ZNF329: variants seen among roughly 807,000 people sequenced by gnomAD.
ZNF329 encodes zinc finger protein 329.
A neutral mutation model predicts 26.6 loss-of-function variants in ZNF329; 15 were observed. The observed-to-expected ratio is 0.56, with a 90% confidence interval of 0.38 to 0.87. The LOEUF (loss-of-function observed/expected upper bound fraction) is 0.87, where lower values mean the gene tolerates loss of function less well. Among genes scored for constraint, ZNF329 ranks in the 40% least tolerant of loss-of-function variants. The pLI is 0.00. For missense variants in ZNF329, 651 were observed against 651.9 expected, an observed-to-expected ratio of 1.00 and a Z score of 0.02; for synonymous variants, 239 against 233.5, an observed-to-expected ratio of 1.02 and a Z score of -0.21.
Position 58,140,025 on chromosome 19 carries a change from G to A in ZNF329, c.-9+2532C>T, listed in dbSNP as rs148867708. On this transcript the variant is annotated intron_variant, in intron 3 of 3. Transcript: ENST00000598312. ...TGTCATATGATCCAGCTATTCCACTGCTACGGTTTGGATATGGTTTGTCCA... is the reference window on the plus strand; with the variant it reads ...TGTCATATGATCCAGCTATTCCACTACTACGGTTTGGATATGGTTTGTCCA... Among the ~76,000 whole-genome samples the A allele has an allele frequency of 4.2e-3, 645 of 152,296 alleles. 3 individuals carry two copies. Among genetic ancestry groups the A allele is most frequent in the African/African-American group, 0.014 (587 of 41,570 alleles).
intron 1 of ZNF329, among the ~76,000 whole-genome samples, chr19:58,147,935 G>A (rs987558578): frequency 3.9e-5 from 6 of 152,074 alleles, no homozygotes; most frequent in Non-Finnish European, 5.9e-5. Flanking sequence ...TGACAATGGC[G>A]GTTTTGTGGA....
intron 1 of ZNF329, among the ~76,000 whole-genome samples, chr19:58,148,191 C>G (rs542788502): frequency 6.6e-6 from 1 of 151,796 alleles, no homozygotes; most frequent in African/African-American, 2.4e-5. Context: ...TGCTTGAAGG[C>G]AGCATGCTCC....
upstream of ZNF329, among the ~76,000 whole-genome samples, chr19:58,152,433 A>G (rs1212633292): frequency 6.6e-6 from 1 of 151,982 alleles, no homozygotes; most frequent in Non-Finnish European, 1.5e-5. Context: ...TCAAAAAAAA[A>G]AAAAAAATCT....
rs764400921 is a variant in ZNF329, at chr19:58,127,989, A to G, written c.1515T>C (p.His505=). 2.2e-5 allele frequency: 36 copies of G among 1,613,934 alleles called. No individual in the cohort carries two copies. In the East Asian group the frequency reaches 2.9e-4, roughly 13 times the overall value. Reference sequence around the variant, plus strand: ...GACACCGGCTGGGACCCTCCCTGCTATGGAGTCTCTGATGTACTGCCAGGT... The same window carrying G: ...GACACCGGCTGGGACCCTCCCTGCTGTGGAGTCTCTGATGTACTGCCAGGT... ...NSHLAVHQRL[H]SREGPSRCPQ... Residue 505 remains histidine (H), a synonymous_variant, in exon 4 of 4, where the codon CAT becomes CAC. Coordinates refer to ENST00000598312, the MANE Select transcript of ZNF329 (RefSeq NM_024620.4).
At chr19:58,132,035 A>G (rs1255146585) in intron 3 of ZNF329, among the ~76,000 whole-genome samples, 5 of 151,942 alleles carry the variant, frequency 3.3e-5, no homozygotes, top group Admixed American at 1.3e-4. Context: ...AAAAAAAAAA[A>G]AAAGAAAGAA....
At chr19:58,137,209 G>A (rs756395117) in intron 3 of ZNF329, among the ~76,000 whole-genome samples, 3 of 152,070 alleles carry the variant, frequency 2.0e-5, no homozygotes, top group Non-Finnish European at 2.9e-5. Flanking sequence ...CAACTTATGG[G>A]AAAGAACTAT....
At chr19:58,130,691 A>AAC (rs1555806782) in intron 3 of ZNF329, among the ~76,000 whole-genome samples, 1 of 151,810 alleles carries the variant, frequency 6.6e-6, no homozygotes, top group African/African-American at 2.4e-5. Context: ...AAAAAAAAAA[A>AAC]AAACTGGATC....
chr19:58,153,857 C>T (rs181071212), upstream of ZNF329, among the ~76,000 whole-genome samples: 329 of 152,198 alleles, frequency 2.2e-3, 4 homozygotes, highest in Non-Finnish European at 1.8e-4. Flanking sequence ...TACAGGTGTA[C>T]ACCACCATGC....
chr19:58,138,011 A>G (rs1251247279), intron 3 of ZNF329, among the ~76,000 whole-genome samples: 3 of 152,112 alleles, frequency 2.0e-5, no homozygotes, highest in African/African-American at 7.2e-5. Flanking sequence ...AAAAGCAAAA[A>G]TGAACACATA....
chr19:58,131,138 T>C (rs542204235), intron 3 of ZNF329, among the ~76,000 whole-genome samples: 11 of 151,464 alleles, frequency 7.3e-5, no homozygotes, highest in African/African-American at 2.7e-4. Flanking sequence ...TGTGTGTGTG[T>C]GTGCGCGTGT....
At chr19:58,154,128 C>T (rs1217950415), upstream of ZNF329, among the ~76,000 whole-genome samples, 1 of 152,112 alleles carries the variant, frequency 6.6e-6, no homozygotes, top group Non-Finnish European at 1.5e-5. Context: ...CCTGTTTCAG[C>T]CTCCCAAGTA....
At position 58,128,447 on chromosome 19, in the gene ZNF329, G is replaced by C; in HGVS notation, c.1057C>G (p.Arg353Gly). The C allele has an allele frequency of 1.2e-6, 2 of 1,612,374 alleles. No individual in the cohort carries two copies. Among genetic ancestry groups the C allele is most frequent in the East Asian group, 4.5e-5 (2 of 44,764 alleles). Residue 353 changes from arginine (R) to glycine (G), a missense_variant, in exon 4 of 4, where the codon CGG becomes GGG. Arg to Gly is a moderately radical substitution (Grantham distance 125). Coordinates refer to ENST00000598312, the MANE Select transcript of ZNF329 (RefSeq NM_024620.4). ...TGCTGGGTGAGGTACGAGCCGTCCC[G>C]GAAAGCCTTTCCACATTTGCTACAC... The part of the protein sequence containing the change: ...YECSKCGKAF[R>G]DGSYLTQHER...
At chr19:58,153,237 G>A (rs917454822), upstream of ZNF329, among the ~76,000 whole-genome samples, 1 of 152,122 alleles carries the variant, frequency 6.6e-6, no homozygotes, top group Non-Finnish European at 1.5e-5. Flanking sequence ...AGCCTCCAGA[G>A]TAGCTGGGAT....
chr19:58,131,336 A>G (rs1375676019), intron 3 of ZNF329, among the ~76,000 whole-genome samples: 2 of 152,102 alleles, frequency 1.3e-5, no homozygotes, highest in African/African-American at 4.8e-5. Flanking sequence ...ACTTGAGCCC[A>G]CACAGAAGGC....
At chr19:58,151,033 T>C (rs1423590381), upstream of ZNF329, among the ~76,000 whole-genome samples, 1 of 152,012 alleles carries the variant, frequency 6.6e-6, no homozygotes, top group Non-Finnish European at 1.5e-5. Flanking sequence ...TATTTCTTTA[T>C]CTATAATCTT....
Position 58,128,656 on chromosome 19 carries a change from C to A in ZNF329, c.848G>T (p.Gly283Val). ...ALTQHQRIHT[G>V]EKPYECLECG... Reference sequence around the variant, plus strand: ...CTCTAGGCATTCATAAGGTTTCTCGCCTGTGTGAATTCTCTGGTGCTGTGT... The same window carrying A: ...CTCTAGGCATTCATAAGGTTTCTCGACTGTGTGAATTCTCTGGTGCTGTGT... The change falls in exon 4 of 4, where the codon GGC (glycine) becomes GTC (valine). Residue 283 changes from glycine (G) to valine (V), a missense_variant. Transcript: ENST00000598312. The A allele has an allele frequency of 6.2e-7, 1 of 1,602,468 alleles. No individual in the cohort carries two copies. The highest frequency in any genetic ancestry group is 8.5e-7 in the Non-Finnish European group (1 of 1,174,454).
At chr19:58,134,221 G>T (rs1178657146) in intron 3 of ZNF329, among the ~76,000 whole-genome samples, 4 of 152,150 alleles carry the variant, frequency 2.6e-5, no homozygotes, top group Non-Finnish European at 5.9e-5. Flanking sequence ...GCACAGGATG[G>T]ACTTCCACAA....
chr19:58,150,522 C>T (rs2075427219), intron 1 of ZNF329, among the ~76,000 whole-genome samples: 1 of 152,266 alleles, frequency 6.6e-6, no homozygotes, highest in Non-Finnish European at 1.5e-5. Context: ...GCGACCTCGT[C>T]CTCAGAGGAG....
intron 3 of ZNF329, among the ~76,000 whole-genome samples, chr19:58,134,128 T>C (rs1048791269): frequency 5.9e-5 from 9 of 152,202 alleles, no homozygotes; most frequent in Non-Finnish European, 1.0e-4. Context: ...TACTTGGCAA[T>C]ATCTGGAGAT....
Sources: gnomAD v4.1 joint callset for allele counts (sites outside exome capture counted in the v4.1 genomes callset) on GRCh38, gnomAD v4.1.1 for gene constraint, MANE v1.5 for transcripts, NCBI Gene and HGNC (gene_info 2026-07-23, HGNC 2026-07-21) for gene names.